Variants in FOCAD observed in about 807,000 individuals in gnomAD.
The protein encoded by FOCAD is KIAA1797.
A neutral mutation model predicts 225.6 loss-of-function variants in FOCAD; 198 were observed. That is an observed-to-expected ratio of 0.88 (90% CI 0.78 to 0.99). FOCAD has a LOEUF of 0.99. Among genes scored for constraint, FOCAD ranks in the 50% least tolerant of loss-of-function variants. The pLI is 0.00. For synonymous variants in FOCAD, 897 were observed against 755.0 expected (o/e 1.19, Z -3.08); for missense variants, 2,713 against 2,123.6 (o/e 1.28, Z -5.46).
chr9:20,939,487 A>G (rs1836406393), intron 28 of FOCAD, among the ~76,000 whole-genome samples: 1 of 152,126 alleles, frequency 6.6e-6, no homozygotes, highest in African/African-American at 2.4e-5. Context: ...CACAGTCAGG[A>G]GTGACTTTCA....
intron 1 of FOCAD, among the ~76,000 whole-genome samples, chr9:20,695,067 C>G (rs946148950): frequency 6.6e-6 from 1 of 152,072 alleles, no homozygotes; most frequent in Non-Finnish European, 1.5e-5. Context: ...GTAAAGTGTC[C>G]CAGATTCTGG....
intron 1 of FOCAD, among the ~76,000 whole-genome samples, chr9:20,690,013 G>A (rs564378386): frequency 6.6e-6 from 1 of 152,280 alleles, no homozygotes; most frequent in African/African-American, 2.4e-5. Flanking sequence ...ATTTCATCAT[G>A]TGTGCCAATT....
At chr9:20,734,727 C>T (rs1424858068) in intron 4 of FOCAD, among the ~76,000 whole-genome samples, 4 of 152,030 alleles carry the variant, frequency 2.6e-5, no homozygotes, top group Non-Finnish European at 5.9e-5. Flanking sequence ...TCACTGCAGC[C>T]CCAACCTCCT....
rs1823339449 is a variant in FOCAD, at chr9:20,813,742, A to G, written c.1456-6054A>G. ...CGTTCTATGTGAGTTTGTTAGGACC[A>G]TTTGGTCTACAGTGTTGTTGAAGTG... On this transcript the variant is annotated intron_variant, in intron 11 of 43. Transcript: ENST00000338382. Among the ~76,000 whole-genome samples, 3 of 152,278 alleles carry G rather than the reference A, an allele frequency of 2.0e-5. No individual in the cohort carries two copies. The South Asian group carries it at 6.2e-4, about 32-fold the overall frequency.
At position 20,789,442 on chromosome 9, in the gene FOCAD, C is replaced by G. The variant is rs766512812; in HGVS notation, c.1289C>G (p.Ala430Gly). Residue 430 changes from alanine (A) to glycine (G), a missense_variant, in exon 11 of 44, where the codon GCT becomes GGT. Coordinates refer to ENST00000338382, the MANE Select transcript of FOCAD (RefSeq NM_001375567.1). ...RILEVMTDSSAASDWLASVES... is the reference protein window; with the variant it reads ...RILEVMTDSSGASDWLASVES... ...CTTGAAGTAATGACAGACTCGTCTGCTGCAAGTGACTGGTTGGCTTCAGTA... is the reference window on the plus strand; with the variant it reads ...CTTGAAGTAATGACAGACTCGTCTGGTGCAAGTGACTGGTTGGCTTCAGTA... 2 of 1,614,026 alleles carry G rather than the reference C, an allele frequency of 1.2e-6. No individual in the cohort carries two copies. Among genetic ancestry groups the G allele is most frequent in the Non-Finnish European group, 1.7e-6 (2 of 1,179,978 alleles).
At chr9:20,888,136 C>CTT (rs1831275396) in intron 21 of FOCAD, among the ~76,000 whole-genome samples, 3 of 40,714 alleles carry the variant, frequency 7.4e-5, no homozygotes, top group African/African-American at 3.1e-4. Context: ...TTTTTTTTTT[C>CTT]TTCTTTTTTT....
At chr9:20,782,002 C>G (rs888159525) in intron 10 of FOCAD, 73 bp downstream of exon 10, 15 of 1,309,576 alleles carry the variant, frequency 1.1e-5, no homozygotes, top group Non-Finnish European at 1.5e-5. Context: ...ATAATCTTGC[C>G]TCCTGATGAA....
chr9:20,734,617 T>C (rs891159799), intron 4 of FOCAD, among the ~76,000 whole-genome samples: 1 of 152,154 alleles, frequency 6.6e-6, no homozygotes, highest in African/African-American at 2.4e-5. Flanking sequence ...TCTTCCTCTT[T>C]AAAAGATAAC....
chr9:20,943,081 A>C (rs1442351083), intron 28 of FOCAD, among the ~76,000 whole-genome samples: 1 of 152,224 alleles, frequency 6.6e-6, no homozygotes, highest in East Asian at 1.9e-4. Flanking sequence ...TAGCCAAAAA[A>C]CTTCCCTGTA....
intron 23 of FOCAD, among the ~76,000 whole-genome samples, chr9:20,914,092 C>CT (rs1833673800): frequency 6.9e-6 from 1 of 144,596 alleles, no homozygotes; most frequent in Admixed American, 7.0e-5. Flanking sequence ...TGGCAAAACT[C>CT]TGTCTTTCCA....
At chr9:20,849,813 CTTT>C (rs1465139088) in intron 15 of FOCAD, among the ~76,000 whole-genome samples, 1 of 151,850 alleles carries the variant, frequency 6.6e-6, no homozygotes, top group Non-Finnish European at 1.5e-5. Flanking sequence ...CCCAGCTATC[CTTT>C]CATAATTGCC....
chr9:20,746,090 G>T (rs1828012605), intron 5 of FOCAD, among the ~76,000 whole-genome samples: 1 of 152,188 alleles, frequency 6.6e-6, no homozygotes, highest in Non-Finnish European at 1.5e-5. Context: ...AAAAGCAATA[G>T]CAAGTCCAAG....
intron 39 of FOCAD, among the ~76,000 whole-genome samples, chr9:20,984,365 C>T (rs1206893748): frequency 6.6e-6 from 1 of 152,138 alleles, no homozygotes; most frequent in East Asian, 1.9e-4. Context: ...AACACTTTAG[C>T]TTCTTAAAAA....
intron 6 of FOCAD, among the ~76,000 whole-genome samples, chr9:20,763,373 T>A (rs1027601024): frequency 6.6e-6 from 1 of 152,190 alleles, no homozygotes; most frequent in African/African-American, 2.4e-5. Context: ...GGAGGATTGC[T>A]TGAGCCTAGA....
chr9:20,675,745 G>C (rs887174178), intron 2 of FOCAD, among the ~76,000 whole-genome samples: 1 of 152,170 alleles, frequency 6.6e-6, no homozygotes, highest in African/African-American at 2.4e-5. Flanking sequence ...TGTTTCAGAC[G>C]ATTAACCTTT....
At chr9:20,851,079 C>G (rs1024118699) in intron 15 of FOCAD, among the ~76,000 whole-genome samples, 1 of 151,340 alleles carries the variant, frequency 6.6e-6, no homozygotes. Flanking sequence ...TATTAGATAA[C>G]CTTAAGTTGG....
At chr9:20,659,471 T>C (rs967615176) in intron 2 of FOCAD, among the ~76,000 whole-genome samples, 2 of 65,882 alleles carry the variant, frequency 3.0e-5, no homozygotes, top group African/African-American at 1.1e-4. Context: ...AAAGAGGTGA[T>C]TAAGATATAA....
At chr9:20,698,377 C>T (rs966035028) in intron 1 of FOCAD, among the ~76,000 whole-genome samples, 21 of 151,916 alleles carry the variant, frequency 1.4e-4, no homozygotes, top group East Asian at 5.8e-4. Context: ...CACACACACA[C>T]GCACACACAC....
At chr9:20,915,396 A>C (rs1478088652) in intron 23 of FOCAD, among the ~76,000 whole-genome samples, 1 of 152,202 alleles carries the variant, frequency 6.6e-6, no homozygotes, top group African/African-American at 2.4e-5. Context: ...AGAGAACCAA[A>C]AGAGAGTAAA....
Sources: allele counts gnomAD v4.1 joint callset (sites outside exome capture counted in the v4.1 genomes callset), GRCh38; gene constraint gnomAD v4.1.1; transcripts MANE v1.5; gene names NCBI Gene and HGNC (gene_info 2026-07-23, HGNC 2026-07-21).